The following PDS5B variants were observed in gnomAD, a reference collection of about 807,000 sequenced individuals.
PDS5B encodes PDS5 cohesin associated factor B.
A neutral mutation model predicts 184.1 loss-of-function variants in PDS5B; 51 were observed. The observed-to-expected ratio is 0.28, with a 90% CI of 0.22 to 0.35. The LOEUF (loss-of-function observed/expected upper bound fraction) is 0.35, where lower values mean the gene tolerates loss of function less well. Ranked by LOEUF, PDS5B falls within the 10% of genes least tolerant of loss-of-function variation. The pLI is 1.00. For missense variants in PDS5B, 1,180 were observed against 1,723.3 expected (o/e 0.68, Z 5.58); for synonymous variants, 566 against 569.2 (o/e 0.99, Z 0.08).
At chr13:32,594,286 A>G (rs2057822813) in intron 1 of PDS5B, among the ~76,000 whole-genome samples, 1 of 152,146 alleles carries the variant, frequency 6.6e-6, no homozygotes, top group Admixed American at 6.5e-5. Flanking sequence ...CTGTGTGGCA[A>G]AGTCCATTTA....
chr13:32,734,011 C>CACACACACACACAA (rs1341139943), intron 20 of PDS5B, among the ~76,000 whole-genome samples: 1 of 151,374 alleles, frequency 6.6e-6, no homozygotes, highest in African/African-American at 2.4e-5. Flanking sequence ...CACACACACA[C>CACACACACACACAA]ACAAACATAT....
chr13:32,592,413 G>A (rs1566228778), intron 1 of PDS5B, among the ~76,000 whole-genome samples: 1 of 151,980 alleles, frequency 6.6e-6, no homozygotes, highest in Non-Finnish European at 1.5e-5. Context: ...ACGCCACCAC[G>A]TCTGGCTAAT....
intron 31 of PDS5B, among the ~76,000 whole-genome samples, chr13:32,766,617 G>C (rs1028311591): frequency 2.0e-5 from 3 of 152,110 alleles, no homozygotes; most frequent in Admixed American, 6.5e-5. Flanking sequence ...CTTGTTACCA[G>C]CTTCTCATTG....
chr13:32,635,338 TGTC>T (rs1432959015), intron 1 of PDS5B, among the ~76,000 whole-genome samples: 3 of 136,040 alleles, frequency 2.2e-5, no homozygotes, highest in Non-Finnish European at 4.7e-5. Context: ...ATGCCTGGCC[TGTC>T]TTTTTTTTTT....
intron 1 of PDS5B, among the ~76,000 whole-genome samples, chr13:32,616,603 A>G (rs918031665): frequency 2.6e-5 from 4 of 152,156 alleles, no homozygotes; most frequent in Non-Finnish European, 5.9e-5. Flanking sequence ...CCGAGTTGCC[A>G]TTGTCTGATT....
At chr13:32,610,616 ATTT>A (rs10552401) in intron 1 of PDS5B, among the ~76,000 whole-genome samples, 152 of 146,372 alleles carry the variant, frequency 1.0e-3, no homozygotes, top group African/African-American at 2.8e-3. Flanking sequence ...TTTGAACCAA[ATTT>A]TTTTTTTTTT....
chr13:32,725,700 T>G (rs572222598), intron 19 of PDS5B, among the ~76,000 whole-genome samples: 79 of 152,314 alleles, frequency 5.2e-4, no homozygotes, highest in Non-Finnish European at 8.7e-4. Context: ...ACTTCAATTT[T>G]ACATTTATAT....
intron 1 of PDS5B, among the ~76,000 whole-genome samples, chr13:32,596,034 C>T (rs983612425): frequency 6.6e-6 from 1 of 152,026 alleles, no homozygotes; most frequent in African/African-American, 2.4e-5. Flanking sequence ...CAATATTAAG[C>T]TCACAGATTT....
chr13:32,687,598 T>C (rs1951433717), intron 12 of PDS5B, among the ~76,000 whole-genome samples: 2 of 152,198 alleles, frequency 1.3e-5, no homozygotes, highest in Admixed American at 1.3e-4. Context: ...AGGATCTTCA[T>C]TAATTTTTTT....
At chr13:32,660,990 TA>T (rs1308585781) in intron 6 of PDS5B, among the ~76,000 whole-genome samples, 1 of 151,826 alleles carries the variant, frequency 6.6e-6, no homozygotes, top group Non-Finnish European at 1.5e-5. Context: ...ACAAAATTTT[TA>T]AAAAAAATTA....
At chr13:32,597,426 C>T (rs1316571303) in intron 1 of PDS5B, among the ~76,000 whole-genome samples, 3 of 151,896 alleles carry the variant, frequency 2.0e-5, no homozygotes, top group Non-Finnish European at 4.4e-5. Flanking sequence ...TGGCTGGGTG[C>T]AGTGGTATGG....
intron 19 of PDS5B, among the ~76,000 whole-genome samples, chr13:32,710,528 A>G (rs1952172144): frequency 6.6e-6 from 1 of 152,234 alleles, no homozygotes; most frequent in African/African-American, 2.4e-5. Flanking sequence ...AGCATGGAAT[A>G]CTTACCTTAA....
In PDS5B at chr13:32,694,315, A is replaced by C; in HGVS notation, c.1551+11A>C. On this transcript the variant is annotated intron_variant, in intron 14 of 34. Coordinates refer to ENST00000315596, the MANE Select transcript of PDS5B (RefSeq NM_015032.4). ...ATTAAGCAACCCAAAGTAAGTAAGA[A>C]TTTTTTCCTTCAATGTTTTTTAAAA... The C allele has an allele frequency of 6.5e-7, 1 of 1,536,676 alleles. No individual in the cohort carries two copies. The highest frequency in any genetic ancestry group is 1.4e-5 in the African/African-American group (1 of 72,046).
chr13:32,595,450 A>G (rs1370259656), intron 1 of PDS5B, among the ~76,000 whole-genome samples: 1 of 152,220 alleles, frequency 6.6e-6, no homozygotes, highest in Non-Finnish European at 1.5e-5. Context: ...AAGTTTATAT[A>G]TGTTAATGTT....
intron 6 of PDS5B, among the ~76,000 whole-genome samples, chr13:32,660,977 C>T (rs1010518416): frequency 1.3e-5 from 2 of 151,876 alleles, no homozygotes; most frequent in Admixed American, 6.6e-5. Context: ...ATAAAACATT[C>T]TGACAAAATT....
intron 9 of PDS5B, 35 bp downstream of exon 9, chr13:32,675,994 C>T (rs754011883): frequency 7.7e-6 from 9 of 1,167,716 alleles, no homozygotes; most frequent in South Asian, 3.7e-5. Flanking sequence ...AAAAGTAATA[C>T]ATTATTCTAC....
At chr13:32,672,653 C>T (rs1185668444) in intron 7 of PDS5B, among the ~76,000 whole-genome samples, 1 of 152,168 alleles carries the variant, frequency 6.6e-6, no homozygotes, top group Admixed American at 6.5e-5. Flanking sequence ...GCAGGAAAAC[C>T]TGGAGTTCTG....
intron 3 of PDS5B, chr13:32,652,469 G>GT (rs1329004173): frequency 6.5e-6 from 1 of 154,586 alleles, no homozygotes. Flanking sequence ...CAGGCGCAGT[G>GT]GCTCAGGCCT....
intron 1 of PDS5B, among the ~76,000 whole-genome samples, chr13:32,619,416 T>C (rs2058264163): frequency 6.6e-6 from 1 of 152,196 alleles, no homozygotes; most frequent in African/African-American, 2.4e-5. Flanking sequence ...CAATGGTATT[T>C]GCATATCTAA....
Sources: allele counts gnomAD v4.1 joint callset (sites outside exome capture counted in the v4.1 genomes callset), GRCh38; gene constraint gnomAD v4.1.1; transcripts MANE v1.5; gene names NCBI Gene and HGNC (gene_info 2026-07-23, HGNC 2026-07-21).